NKAIN2: variants seen among roughly 807,000 people sequenced by gnomAD.
NKAIN2 encodes sodium/potassium-transporting ATPase subunit beta-1-interacting protein 2.
NKAIN2 carries 14 observed loss-of-function variants against 32.6 expected under a neutral mutation model. That is an observed-to-expected ratio of 0.43 (90% CI 0.28 to 0.67). NKAIN2 has a LOEUF of 0.67. Ranked by LOEUF, NKAIN2 falls within the 30% of genes least tolerant of loss-of-function variation. The probability of loss-of-function intolerance (pLI) is 0.17; values close to 1 mark genes in which losing one functional copy is unlikely to be tolerated. For missense variants in NKAIN2, 198 were observed against 258.3 expected, an observed-to-expected ratio of 0.77 and a Z score of 1.60; for synonymous variants, 80 against 87.2, an observed-to-expected ratio of 0.92 and a Z score of 0.46.
At chr6:124,025,781 T>C (rs1212038281) in intron 1 of NKAIN2, among the ~76,000 whole-genome samples, 1 of 152,142 alleles carries the variant, frequency 6.6e-6, no homozygotes, top group Non-Finnish European at 1.5e-5. Flanking sequence ...ATAAAAAACA[T>C]TAAGAAAACA....
intron 1 of NKAIN2, among the ~76,000 whole-genome samples, chr6:124,231,466 A>G (rs1197622763): frequency 6.6e-6 from 1 of 152,148 alleles, no homozygotes; most frequent in Non-Finnish European, 1.5e-5. Flanking sequence ...GGGTGGAATT[A>G]TATGGTTTGG....
chr6:123,878,475 A>G (rs1275107429), intron 1 of NKAIN2, among the ~76,000 whole-genome samples: 1 of 151,534 alleles, frequency 6.6e-6, no homozygotes, highest in African/African-American at 2.4e-5. Flanking sequence ...TTCTATTTTT[A>G]TTTTTATTGC....
At chr6:124,189,693 TAAAAAA>T (rs1173937656) in intron 1 of NKAIN2, among the ~76,000 whole-genome samples, 1 of 151,826 alleles carries the variant, frequency 6.6e-6, no homozygotes, top group Non-Finnish European at 1.5e-5. Context: ...AAAATAAAAA[TAAAAAA>T]TAAAAAGCAA....
intron 1 of NKAIN2, among the ~76,000 whole-genome samples, chr6:124,213,798 G>T (rs1032514189): frequency 3.3e-5 from 5 of 151,964 alleles, no homozygotes; most frequent in African/African-American, 1.2e-4. Context: ...CAAAATACTG[G>T]TATCTATAGT....
intron 1 of NKAIN2, among the ~76,000 whole-genome samples, chr6:123,934,928 C>G (rs1380635168): frequency 6.6e-6 from 1 of 151,034 alleles, no homozygotes; most frequent in East Asian, 1.9e-4. Flanking sequence ...GAGTAGTTTT[C>G]CTAAAAGACA....
At position 123,883,149 on chromosome 6, in the gene NKAIN2, A is replaced by G. The variant is rs534621251; in HGVS notation, c.54+78895A>G. Among the ~76,000 whole-genome samples, 157 of 151,956 alleles carry G rather than the reference A, an allele frequency of 1.0e-3. 2 individuals are homozygous for G. In the South Asian group the frequency reaches 0.03, roughly 29 times the overall value. On this transcript the variant is annotated intron_variant, in intron 1 of 6. Transcript: ENST00000368417. ...CTGTTCTCCTAATAGTGAGTGAATT[A>G]TTATTATTTTTTTGAGACGGAGTCT... is the stretch of plus-strand genomic sequence containing the variant.
intron 5 of NKAIN2, among the ~76,000 whole-genome samples, chr6:124,807,873 A>AG (rs762292430): frequency 6.0e-5 from 9 of 151,070 alleles, no homozygotes; most frequent in Middle Eastern, 3.4e-3. Flanking sequence ...CAAATAAACT[A>AG]GAAAATCTAG....
intron 1 of NKAIN2, among the ~76,000 whole-genome samples, chr6:123,849,248 A>G (rs999807786): frequency 3.9e-5 from 6 of 152,222 alleles, no homozygotes; most frequent in Admixed American, 6.5e-5. Context: ...ATTAATACTA[A>G]TAACAGCTGT....
chr6:124,594,784 A>T (rs1433849162), intron 3 of NKAIN2, among the ~76,000 whole-genome samples: 1 of 151,988 alleles, frequency 6.6e-6, no homozygotes, highest in Non-Finnish European at 1.5e-5. Flanking sequence ...CATGGAGGAG[A>T]GGAGGGAAAT....
intron 1 of NKAIN2, among the ~76,000 whole-genome samples, chr6:124,140,068 A>G (rs1403831666): frequency 6.6e-6 from 1 of 152,204 alleles, no homozygotes; most frequent in Non-Finnish European, 1.5e-5. Context: ...TGCAAACTTC[A>G]TAAGGAAACT....
At chr6:124,432,639 A>G (rs1260192368) in intron 3 of NKAIN2, among the ~76,000 whole-genome samples, 1 of 152,078 alleles carries the variant, frequency 6.6e-6, no homozygotes, top group Non-Finnish European at 1.5e-5. Flanking sequence ...ATAAAATAAA[A>G]TTATAAAGTT....
In NKAIN2 at chr6:124,336,734, C is replaced by A. The variant is rs1439351844; in HGVS notation, c.193-18533C>A. 2.1e-5 allele frequency among the ~76,000 whole-genome samples: 3 copies of A among 142,132 alleles called. No individual in the cohort carries two copies. In the Admixed American group the frequency reaches 2.2e-4, roughly 11 times the overall value. The allele number at this position is 142,132 out of a possible 152,430, so 93.2% of individuals were successfully genotyped here. A position where few individuals can be genotyped will look rare whatever the true frequency, so the allele number is the denominator to read the frequency against. Reference sequence around the variant, plus strand: ...CTGTCACTAGGCTGGAGTGCAGTGGCTAGATCTTGGCTTACTGCAACCTCT... The same window carrying A: ...CTGTCACTAGGCTGGAGTGCAGTGGATAGATCTTGGCTTACTGCAACCTCT... On this transcript the variant is annotated intron_variant, in intron 2 of 6. Coordinates refer to ENST00000368417, the MANE Select transcript of NKAIN2 (RefSeq NM_001040214.3).
At chr6:124,309,568 T>A (rs561185129) in intron 2 of NKAIN2, among the ~76,000 whole-genome samples, 1 of 152,252 alleles carries the variant, frequency 6.6e-6, no homozygotes, top group East Asian at 1.9e-4. Context: ...TAGCATATTA[T>A]TTAAATAATT....
intron 3 of NKAIN2, among the ~76,000 whole-genome samples, chr6:124,392,994 G>C (rs1366933745): frequency 1.3e-5 from 2 of 152,138 alleles, no homozygotes; most frequent in Non-Finnish European, 2.9e-5. Flanking sequence ...GACAGAGTGA[G>C]ACTCTGTCTT....
intron 4 of NKAIN2, among the ~76,000 whole-genome samples, chr6:124,722,821 C>T (rs1776088198): frequency 6.6e-6 from 1 of 152,228 alleles, no homozygotes; most frequent in South Asian, 2.1e-4. Flanking sequence ...CTCAGTTTCT[C>T]CACATCTTTG....
chr6:124,636,203 T>C (rs1394554054), intron 3 of NKAIN2, among the ~76,000 whole-genome samples: 1 of 149,912 alleles, frequency 6.7e-6, no homozygotes, highest in Non-Finnish European at 1.5e-5. Context: ...GACCAATGAG[T>C]CAATGAAGAA....
At chr6:123,855,277 C>T (rs540434916) in intron 1 of NKAIN2, among the ~76,000 whole-genome samples, 1 of 152,134 alleles carries the variant, frequency 6.6e-6, no homozygotes, top group Non-Finnish European at 1.5e-5. Flanking sequence ...TGTTGCAATA[C>T]ATATGACTGA....
intron 1 of NKAIN2, among the ~76,000 whole-genome samples, chr6:124,115,538 T>G (rs899470404): frequency 6.6e-6 from 1 of 152,118 alleles, no homozygotes; most frequent in African/African-American, 2.4e-5. Flanking sequence ...CATTTTATAT[T>G]CCTCCTTGAG....
chr6:124,188,366 T>C (rs1005862004), intron 1 of NKAIN2, among the ~76,000 whole-genome samples: 1 of 152,188 alleles, frequency 6.6e-6, no homozygotes, highest in African/African-American at 2.4e-5. Flanking sequence ...CTTCTATCCA[T>C]TGGGAGAATT....
Sources: gnomAD v4.1 joint callset for allele counts (sites outside exome capture counted in the v4.1 genomes callset) on GRCh38, gnomAD v4.1.1 for gene constraint, MANE v1.5 for transcripts, NCBI Gene and HGNC (gene_info 2026-07-23, HGNC 2026-07-21) for gene names.